The following CACNG4 variants were observed in gnomAD, a reference collection of about 807,000 sequenced individuals.
CACNG4 encodes the protein voltage-dependent calcium channel gamma-4 subunit.
A neutral mutation model predicts 22.9 loss-of-function variants in CACNG4; 8 were observed. That is an observed-to-expected ratio of 0.35 (90% CI 0.21 to 0.63). The LOEUF is 0.63. Among genes scored for constraint, CACNG4 ranks in the 30% least tolerant of loss-of-function variants. CACNG4 has a pLI of 0.72. For missense variants in CACNG4, 357 were observed against 455.4 expected (o/e 0.78, Z 1.97); for synonymous variants, 188 against 191.9 (o/e 0.98, Z 0.17).
chr17:67,001,266 T>C (rs1297323058), intron 1 of CACNG4, among the ~76,000 whole-genome samples: 1 of 152,150 alleles, frequency 6.6e-6, no homozygotes, highest in Non-Finnish European at 1.5e-5. Flanking sequence ...CTTTATAAAT[T>C]ACCCAGTCTG....
At position 67,024,882 on chromosome 17, in the gene CACNG4, C is replaced by G. The variant is rs1297769302; in HGVS notation, c.327C>G (p.Val109=). Residue 109 remains valine, a synonymous_variant, in exon 3 of 4, where the codon GTC becomes GTG. Coordinates refer to ENST00000262138, the MANE Select transcript of CACNG4 (RefSeq NM_014405.4). ...CAGGCATCGTGCGAGCCTCCAGCGT[C>G]TTCCCCATCCTCAGCACCATCCTGC... ...YLLRIVRASS[V]FPILSTILLL... 4.3e-5 allele frequency: 68 copies of G among 1,581,390 alleles called. No individual in the cohort carries two copies. The highest frequency in any genetic ancestry group is 5.7e-5 in the Non-Finnish European group (67 of 1,165,868).
At position 67,033,360 on chromosome 17, in the gene CACNG4, T is replaced by G. The variant is rs887385073; in HGVS notation, c.*2356T>G. 2.6e-5 allele frequency: 4 copies of G among 151,422 alleles called. No individual in the cohort carries two copies. The highest frequency in any genetic ancestry group is 1.3e-4 in the Admixed American group (2 of 15,234). 9.4% of individuals were successfully genotyped at this position (151,422 alleles called of 1,614,324 possible). ...CCTACTACTGGTTTTGGGTTGGTTGTTCTGTCTTTTTTTTAATTAAATAAA... is the reference window on the plus strand; with the variant it reads ...CCTACTACTGGTTTTGGGTTGGTTGGTCTGTCTTTTTTTTAATTAAATAAA... On this transcript the variant is annotated 3_prime_UTR_variant, in exon 4 of 4. Coordinates refer to ENST00000262138, the MANE Select transcript of CACNG4 (RefSeq NM_014405.4).
intron 1 of CACNG4, among the ~76,000 whole-genome samples, chr17:67,009,107 C>T (rs145872585): frequency 2.9e-3 from 441 of 152,168 alleles, no homozygotes; most frequent in Middle Eastern, 0.01. Context: ...CCAAGGAACG[C>T]CAGAGATCAC....
chr17:67,032,927 C>T lies in CACNG4; in HGVS notation c.*1923C>T, dbSNP rs564931643. On this transcript the variant is annotated 3_prime_UTR_variant, in exon 4 of 4. Coordinates refer to ENST00000262138, the MANE Select transcript of CACNG4 (RefSeq NM_014405.4). ...CTGTGATTTCCAAAAGCAAGGCAGC[C>T]GTGCTGTTCTAGTTCCTCTCCATCC... The T allele has an allele frequency of 1.4e-3, 215 of 153,132 alleles. No homozygotes were observed. Among genetic ancestry groups the T allele is most frequent in the Middle Eastern group, 0.014 (4 of 296 alleles). The allele number at this position is 153,132 out of a possible 1,614,324, so 9.5% of individuals were successfully genotyped here.
chr17:67,025,630 G>A (rs569804364), intron 3 of CACNG4, among the ~76,000 whole-genome samples: 2 of 152,386 alleles, frequency 1.3e-5, no homozygotes, highest in East Asian at 3.9e-4. Flanking sequence ...GCACCTCAGA[G>A]CCATGCCCGA....
At chr17:66,965,568 G>C (rs1256618286) in intron 1 of CACNG4, among the ~76,000 whole-genome samples, 3 of 150,524 alleles carry the variant, frequency 2.0e-5, no homozygotes, top group Admixed American at 6.6e-5. Flanking sequence ...GGACGGGAGG[G>C]GGGGAGGGGT....
chr17:67,023,755 T>C (rs1352454980), intron 2 of CACNG4, among the ~76,000 whole-genome samples: 1 of 151,822 alleles, frequency 6.6e-6, no homozygotes, highest in Non-Finnish European at 1.5e-5. Context: ...TTGTTTGTTT[T>C]TAGTAGATAC....
At chr17:66,977,048 C>T (rs140119465) in intron 1 of CACNG4, among the ~76,000 whole-genome samples, 326 of 152,304 alleles carry the variant, frequency 2.1e-3, no homozygotes, top group Non-Finnish European at 3.5e-3. Context: ...GGCCTATGGG[C>T]TCCACCTCCG....
At chr17:67,024,820 T>C (rs779854488) in intron 2 of CACNG4, 40 bp from the exon 3 acceptor site, 1 of 1,470,638 alleles carries the variant, frequency 6.8e-7, no homozygotes, top group Non-Finnish European at 9.0e-7. Context: ...GCACCTGATC[T>C]CACTGCCCTC....
rs145070038 is a variant in CACNG4 at position 67,010,202 on chromosome 17, G to A, written c.221-7987G>A. Among the ~76,000 whole-genome samples, 239 of 152,254 alleles carry A rather than the reference G, an allele frequency of 1.6e-3. 2 individuals carry two copies. The East Asian group carries it at 0.027, about 17-fold the overall frequency. ...CCATGCCTACCCTCCCTGACTACTC[G>A]CTGTCCCAGTGGTGTGGGGCCCTGG... On this transcript the variant is annotated intron_variant, in intron 1 of 3. Coordinates refer to ENST00000262138, the MANE Select transcript of CACNG4 (RefSeq NM_014405.4).
At chr17:67,021,138 C>CT (rs1826134225) in intron 2 of CACNG4, among the ~76,000 whole-genome samples, 1 of 152,114 alleles carries the variant, frequency 6.6e-6, no homozygotes, top group South Asian at 2.1e-4. Context: ...GAAGTTGAGG[C>CT]TGCAGTGAGC....
chr17:66,981,811 C>G (rs186078373), intron 1 of CACNG4, among the ~76,000 whole-genome samples: 10 of 152,336 alleles, frequency 6.6e-5, no homozygotes, highest in Admixed American at 6.5e-4. Context: ...GGTATTATCT[C>G]AAGAACTTTC....
At chr17:67,014,152 T>C (rs2035483542) in intron 1 of CACNG4, among the ~76,000 whole-genome samples, 1 of 152,194 alleles carries the variant, frequency 6.6e-6, no homozygotes, top group Non-Finnish European at 1.5e-5. Flanking sequence ...TCAGCATTCC[T>C]GCAGCCCAGC....
At chr17:67,014,171 A>T (rs1400533408) in intron 1 of CACNG4, among the ~76,000 whole-genome samples, 2 of 152,172 alleles carry the variant, frequency 1.3e-5, no homozygotes, top group Non-Finnish European at 2.9e-5. Flanking sequence ...GCCAGCCAGG[A>T]TCTCACAATT....
intron 2 of CACNG4, among the ~76,000 whole-genome samples, chr17:67,023,044 G>T (rs1052451319): frequency 6.6e-5 from 10 of 152,140 alleles, no homozygotes; most frequent in Non-Finnish European, 1.5e-4. Context: ...TTCTCTGAAG[G>T]CTCTAGGAGA....
Position 67,027,220 on chromosome 17 carries a change from C to T in CACNG4, c.445+2220C>T, listed in dbSNP as rs938655764. 6.6e-6 allele frequency among the ~76,000 whole-genome samples: 1 copy of T among 152,204 alleles called. No homozygotes were observed. Among genetic ancestry groups the T allele is most frequent in the Non-Finnish European group, 1.5e-5 (1 of 68,016 alleles). On this transcript the variant is annotated intron_variant, in intron 3 of 3. Coordinates refer to ENST00000262138, the MANE Select transcript of CACNG4 (RefSeq NM_014405.4). The surrounding 1 kb of genome is among the most constrained non-coding windows in gnomAD (Gnocchi z 4.3). ...AGGGCTGCCAGCCTCCAAAGCCCTT[C>T]GAGGTGCCCCCTGCAGCTGCCCGTG...
intron 1 of CACNG4, among the ~76,000 whole-genome samples, 193 bp downstream of exon 1, chr17:66,965,324 C>T (rs1427759177): frequency 2.0e-5 from 3 of 150,852 alleles, no homozygotes; most frequent in Non-Finnish European, 4.4e-5. Flanking sequence ...CGGGTCCCTT[C>T]GCGGCCAGCT....
At chr17:66,982,077 C>T (rs944404284) in intron 1 of CACNG4, among the ~76,000 whole-genome samples, 7 of 152,102 alleles carry the variant, frequency 4.6e-5, no homozygotes, top group South Asian at 4.1e-4. Flanking sequence ...TGGACGTTTG[C>T]GGTGAGTGTT....
At chr17:67,013,872 G>T (rs569373155) in intron 1 of CACNG4, among the ~76,000 whole-genome samples, 1 of 152,172 alleles carries the variant, frequency 6.6e-6, no homozygotes, top group African/African-American at 2.4e-5. Flanking sequence ...GGATATACAC[G>T]TGTGCAGACG....
Sources: allele counts gnomAD v4.1 joint callset (sites outside exome capture counted in the v4.1 genomes callset), GRCh38; gene constraint gnomAD v4.1.1; non-coding constraint Gnocchi (gnomAD v3.1); transcripts MANE v1.5; gene names NCBI Gene and HGNC (gene_info 2026-07-23, HGNC 2026-07-21).